The following TFIP11 variants were observed in gnomAD, a reference collection of about 807,000 sequenced individuals.
TFIP11 encodes tuftelin interacting protein 11.
TFIP11 carries 86 observed loss-of-function variants against 96.8 expected under a neutral mutation model. The observed-to-expected ratio is 0.89, with a 90% CI of 0.75 to 1.06. The LOEUF is 1.06. TFIP11 is among the 50% of genes least tolerant of loss of function. TFIP11 has a pLI of 0.00. For missense variants in TFIP11, 881 were observed against 1,076.7 expected (o/e 0.82, Z 2.54); for synonymous variants, 405 against 395.2 (o/e 1.02, Z -0.29).
intron 10 of TFIP11, among the ~76,000 whole-genome samples, chr22:26,497,159 CA>C (rs1287311384): frequency 6.6e-6 from 1 of 152,146 alleles, no homozygotes; most frequent in Non-Finnish European, 1.5e-5. Flanking sequence ...GGCCTCTTCC[CA>C]GGTATCAAGT....
In TFIP11 at chr22:26,492,089, C is replaced by A. The variant is rs1314136444; in HGVS notation, c.2438G>T (p.Arg813Leu). 2.5e-6 allele frequency: 4 copies of A among 1,613,594 alleles called. No individual in the cohort carries two copies. In the Admixed American group the frequency reaches 6.7e-5, roughly 27 times the overall value. The change falls in exon 15 of 15, where the codon CGG (arginine) becomes CTG (leucine). Residue 813 changes from arginine to leucine, a missense_variant. Arg to Leu is a moderately radical substitution (Grantham distance 102). Transcript: ENST00000407690. Reference sequence around the variant, plus strand: ...CTCGCCCTGGACAAAGACCACTCCCCGGTCGATGTAGATCACAATGCGGCC... The same window carrying A: ...CTCGCCCTGGACAAAGACCACTCCCAGGTCGATGTAGATCACAATGCGGCC... ...TFGRIVIYID[R>L]GVVFVQGEKT...
At chr22:26,492,803 AAAG>A (rs1921382825) in intron 14 of TFIP11, 2 of 181,274 alleles carry the variant, frequency 1.1e-5, no homozygotes, top group Non-Finnish European at 2.4e-5. Flanking sequence ...CCCCATCCTG[AAAG>A]AAGTTCACAT....
intron 12 of TFIP11, among the ~76,000 whole-genome samples, chr22:26,495,254 T>A (rs1921782366): frequency 2.4e-5 from 3 of 125,756 alleles, no homozygotes; most frequent in East Asian, 2.7e-4. Flanking sequence ...AAGTCACAAC[T>A]CCTGGCTTTT....
chr22:26,506,392 C>A lies in TFIP11; in HGVS notation c.431G>T (p.Ser144Ile). 2 of 1,614,094 alleles carry A rather than the reference C, an allele frequency of 1.2e-6. No homozygotes were observed. The highest frequency in any genetic ancestry group is 1.6e-4 in the Middle Eastern group (1 of 6,062). ...GGTKSFMDFG[S>I]WERHTKGIGQ... ...AATTCCTTTTGTGTGTCTTTCCCAG[C>A]TGCCGAAGTCCATGAAAGATTTGGT... Residue 144 changes from serine (S) to isoleucine (I), a missense_variant, in exon 6 of 15, where the codon AGC (serine) becomes ATC (isoleucine). By Grantham distance (142) the Ser-to-Ile change is moderately radical. Coordinates refer to ENST00000407690, the MANE Select transcript of TFIP11 (RefSeq NM_012143.4).
At chr22:26,498,199 A>G (rs34026915) in intron 10 of TFIP11, among the ~76,000 whole-genome samples, 8,293 of 152,256 alleles carry the variant, frequency 0.054, 315 homozygotes, top group African/African-American at 0.092. Context: ...GAATGACACA[A>G]TGGACTTTGG....
chr22:26,507,596 C>G (rs1923572976), intron 4 of TFIP11, among the ~76,000 whole-genome samples: 1 of 148,804 alleles, frequency 6.7e-6, no homozygotes, highest in Non-Finnish European at 1.5e-5. Flanking sequence ...TGTCACTGCA[C>G]CCCAGCCTGG....
chr22:26,497,674 G>A (rs535045476), intron 10 of TFIP11, among the ~76,000 whole-genome samples: 18 of 152,100 alleles, frequency 1.2e-4, no homozygotes, highest in Non-Finnish European at 2.2e-4. Context: ...TCAAGAGATC[G>A]AGACCATCCT....
chr22:26,510,334 G>A (rs911547128), intron 3 of TFIP11, 53 bp from the exon 4 acceptor site: 47 of 1,539,034 alleles, frequency 3.1e-5, no homozygotes, highest in Non-Finnish European at 3.9e-5. Context: ...GGCAGCAGTC[G>A]AAGGATTCCT....
Position 26,512,174 on chromosome 22 carries a change from G to A in TFIP11, c.-171C>T, listed in dbSNP as rs1284523203. On this transcript the variant is annotated splice_region_variant and 5_prime_UTR_variant, in exon 2 of 15. Coordinates refer to ENST00000407690, the MANE Select transcript of TFIP11 (RefSeq NM_012143.4). ...GCCTCGGGCTTGTCTCTCTCTTGCTGTCTAGGTTTGGTGAAGGAAGCTCAG... is the reference window on the plus strand; with the variant it reads ...GCCTCGGGCTTGTCTCTCTCTTGCTATCTAGGTTTGGTGAAGGAAGCTCAG... The A allele has an allele frequency of 6.6e-6, 1 of 152,246 alleles. No homozygotes were observed. Among genetic ancestry groups the A allele is most frequent in the Non-Finnish European group, 1.5e-5 (1 of 68,092 alleles). 9.4% of individuals were successfully genotyped at this position (152,246 alleles called of 1,614,324 possible).
At chr22:26,507,865 A>G (rs527892070) in intron 4 of TFIP11, among the ~76,000 whole-genome samples, 1 of 152,268 alleles carries the variant, frequency 6.6e-6, no homozygotes, top group East Asian at 1.9e-4. Flanking sequence ...GCTCATGCCC[A>G]TAATCTCAGC....
intron 1 of TFIP11, 95 bp from the exon 2 acceptor site, chr22:26,512,270 A>T (rs1349367040): frequency 6.6e-6 from 1 of 152,274 alleles, no homozygotes; most frequent in African/African-American, 2.4e-5. Flanking sequence ...GTGCCTCGGC[A>T]GAGCTGTCTA....
At chr22:26,495,916 A>G (rs999427425) in intron 12 of TFIP11, among the ~76,000 whole-genome samples, 157 bp downstream of exon 12, 2 of 152,176 alleles carry the variant, frequency 1.3e-5, no homozygotes, top group Non-Finnish European at 2.9e-5. Context: ...ATTTATGTTC[A>G]GCCTCTGAAC....
intron 5 of TFIP11, 153 bp from the exon 6 acceptor site, chr22:26,506,612 G>A (rs748925026): frequency 3.1e-6 from 4 of 1,277,398 alleles, no homozygotes; most frequent in African/African-American, 1.5e-5. Flanking sequence ...TGTCAGGAAG[G>A]AAGAGACTGC....
chr22:26,510,857 T>C (rs550731139), intron 2 of TFIP11, 155 bp from the exon 3 acceptor site: 41 of 153,332 alleles, frequency 2.7e-4, no homozygotes, highest in Admixed American at 1.3e-3. Flanking sequence ...TGTCCAGAGA[T>C]TGATATAGAG....
intron 4 of TFIP11, 88 bp downstream of exon 4, chr22:26,509,976 A>G: frequency 7.1e-7 from 1 of 1,402,216 alleles, no homozygotes; most frequent in Non-Finnish European, 1.0e-6. Context: ...GGTGAGAAGT[A>G]TACTTATCAG....
Position 26,510,203 on chromosome 22 carries a change from A to G in TFIP11, c.70T>C (p.Phe24Leu). 1 of 1,614,188 alleles carries G rather than the reference A, an allele frequency of 6.2e-7. No individual in the cohort carries two copies. Among genetic ancestry groups the G allele is most frequent in the South Asian group, 1.1e-5 (1 of 91,072 alleles). The change falls in exon 4 of 15, where the codon TTT (phenylalanine) becomes CTT (leucine). Residue 24 changes from phenylalanine to leucine, a missense_variant. Physicochemically the swap from Phe to Leu is conservative, Grantham distance 22. Transcript: ENST00000407690. Reference protein sequence around the residue: ...IDDDDDERENFEITDWDLQNE... With the variant: ...IDDDDDERENLEITDWDLQNE... ...TGGAGATCCCAGTCAGTGATCTCAAAGTTCTCCCGCTCGTCATCATCATCA... is the reference window on the plus strand; with the variant it reads ...TGGAGATCCCAGTCAGTGATCTCAAGGTTCTCCCGCTCGTCATCATCATCA...
At position 26,499,190 on chromosome 22, in the gene TFIP11, ACTC is replaced by A; in HGVS notation, c.1240_1242del (p.Glu414del). ...AGGTCCACACGGTCGGACATCCTGT[ACTC>A]CTCATAGTACTTGTCCTGCAGGGTT... On this transcript the variant is annotated inframe_deletion, in exon 9 of 15. Coordinates refer to ENST00000407690, the MANE Select transcript of TFIP11 (RefSeq NM_012143.4). 6.2e-7 allele frequency: 1 copy of A among 1,612,926 alleles called. No homozygotes were observed. Among genetic ancestry groups the A allele is most frequent in the Non-Finnish European group, 8.5e-7 (1 of 1,179,368 alleles).
At chr22:26,497,737 ATGGTGGCGAGCGCC>A (rs1467884924) in intron 10 of TFIP11, among the ~76,000 whole-genome samples, 1 of 152,038 alleles carries the variant, frequency 6.6e-6, no homozygotes, top group Non-Finnish European at 1.5e-5. Flanking sequence ...TTAGCTGGGC[ATGGTGGCGAGCGCC>A]TGTAGTCCCA....
Position 26,491,628 on chromosome 22 carries a change from G to A in TFIP11, c.*385C>T, listed in dbSNP as rs1414041890. On this transcript the variant is annotated 3_prime_UTR_variant, in exon 15 of 15. Coordinates refer to ENST00000407690, the MANE Select transcript of TFIP11 (RefSeq NM_012143.4). Reference sequence around the variant, plus strand: ...AGATTATCAGGACTGTGAGGACCTTGAAATCATCAGGAACAAGAGAGAAGA... The same window carrying A: ...AGATTATCAGGACTGTGAGGACCTTAAAATCATCAGGAACAAGAGAGAAGA... 1 of 1,613,752 alleles carries A rather than the reference G, an allele frequency of 6.2e-7. No individual in the cohort carries two copies. The highest frequency in any genetic ancestry group is 1.7e-5 in the Admixed American group (1 of 60,032).
Sources: gnomAD v4.1 joint callset for allele counts (sites outside exome capture counted in the v4.1 genomes callset) on GRCh38, gnomAD v4.1.1 for gene constraint, MANE v1.5 for transcripts, NCBI Gene and HGNC (gene_info 2026-07-23, HGNC 2026-07-21) for gene names.